ASB17: variants seen among roughly 807,000 people sequenced by gnomAD.
ASB17 encodes the protein ankyrin repeat and SOCS box protein 17.
A neutral mutation model predicts 25.7 loss-of-function variants in ASB17; 26 were observed. The ratio of observed to expected loss-of-function variants is 1.01; its 90% CI spans 0.74 to 1.40. ASB17 has a LOEUF of 1.40. Ranked by LOEUF, ASB17 falls within the 40% of genes most tolerant of loss-of-function variation. ASB17 has a pLI of 0.00. For synonymous variants in ASB17, 128 were observed against 121.4 expected (o/e 1.05, Z -0.36); for missense variants, 326 against 338.5 (o/e 0.96, Z 0.29).
At chr1:75,920,838 G>A (rs987974691) in intron 2 of ASB17, among the ~76,000 whole-genome samples, 1 of 151,970 alleles carries the variant, frequency 6.6e-6, no homozygotes, top group Admixed American at 6.6e-5. Flanking sequence ...GCAGTGGTGC[G>A]ATCTCTGCTC....
intron 1 of ASB17, among the ~76,000 whole-genome samples, chr1:75,927,786 A>G (rs1222796350): frequency 6.6e-6 from 1 of 152,042 alleles, no homozygotes; most frequent in Non-Finnish European, 1.5e-5. Context: ...CAATCTTCAA[A>G]TGGGGCTGAT....
chr1:75,924,068 C>T (rs1051953299), intron 1 of ASB17, among the ~76,000 whole-genome samples: 1 of 152,084 alleles, frequency 6.6e-6, no homozygotes, highest in African/African-American at 2.4e-5. Context: ...TTAACTCTAT[C>T]TGAAATAGTC....
intron 1 of ASB17, among the ~76,000 whole-genome samples, chr1:75,925,399 A>G (rs1024538212): frequency 7.2e-5 from 11 of 152,170 alleles, no homozygotes; most frequent in African/African-American, 2.7e-4. Flanking sequence ...ATATTTGTTG[A>G]TTCTAAGATA....
At position 75,918,996 on chromosome 1, in the gene ASB17, G is replaced by T; in HGVS notation, c.844C>A (p.Leu282Ile). Residue 282 changes from leucine (L) to isoleucine (I), a missense_variant, in exon 3 of 3, where the codon CTA (leucine) becomes ATA (isoleucine). Leu to Ile is a conservative substitution (Grantham distance 5, BLOSUM62 2). Coordinates refer to ENST00000284142, the MANE Select transcript of ASB17 (RefSeq NM_080868.3). The part of the protein sequence containing the change: ...NMLPDGIFSL[L>I]IPARLQNYLN... Reference sequence around the variant, plus strand: ...TAGTTTTGTAGACGAGCAGGAATTAGAAGTGAAAATATTCCATCTGGGAGC... The same window carrying T: ...TAGTTTTGTAGACGAGCAGGAATTATAAGTGAAAATATTCCATCTGGGAGC... 6.2e-7 allele frequency: 1 copy of T among 1,612,996 alleles called. No homozygotes were observed. The highest frequency in any genetic ancestry group is 8.5e-7 in the Non-Finnish European group (1 of 1,179,208).
rs750458762 is a variant in ASB17 at position 75,922,207 on chromosome 1, A to G, written c.554T>C (p.Ile185Thr). The change falls in exon 2 of 3, where the codon ATA becomes ACA. Residue 185 changes from isoleucine (I) to threonine (T), a missense_variant. Transcript: ENST00000284142. Reference sequence around the variant, plus strand: ...TCTTACTCTCGAAGGGTAGAGTACTATTGTTAAGACAATGTTGATAGGGTT... The same window carrying G: ...TCTTACTCTCGAAGGGTAGAGTACTGTTGTTAAGACAATGTTGATAGGGTT... ...EKNPINIVLT[I>T]VLYPSRVRVM... 7 of 1,613,840 alleles carry G rather than the reference A, an allele frequency of 4.3e-6. No individual in the cohort carries two copies. The South Asian group carries it at 5.5e-5, about 13-fold the overall frequency.
intron 1 of ASB17, among the ~76,000 whole-genome samples, chr1:75,929,221 A>T (rs939348027): frequency 1.5e-4 from 17 of 112,442 alleles, no homozygotes; most frequent in African/African-American, 4.4e-4. Flanking sequence ...TTATTTATTT[A>T]TTTATTTTTT....
At chr1:75,922,384 T>C (rs1653052192) in intron 1 of ASB17, 25 bp from the exon 2 acceptor site, 2 of 1,505,200 alleles carry the variant, frequency 1.3e-6, no homozygotes, top group Non-Finnish European at 1.8e-6. Context: ...AAACAAAAAC[T>C]CATTGGATAT....
Position 75,931,682 on chromosome 1 carries a change from T to C in ASB17, c.401+209A>G, listed in dbSNP as rs182487677. The stretch of plus-strand genomic sequence containing the variant: ...AAGCTGTGTAGAGCAGAATCACTAA[T>C]GATTTATTGGTACATAATAATTTAC... On this transcript the variant is annotated intron_variant, in intron 1 of 2. Transcript: ENST00000284142. Among the ~76,000 whole-genome samples the C allele has an allele frequency of 5.3e-5, 8 of 152,130 alleles. No homozygotes were observed. In the East Asian group the frequency reaches 1.4e-3, roughly 26 times the overall value.
chr1:75,920,302 A>G (rs1652993719), intron 2 of ASB17, among the ~76,000 whole-genome samples: 1 of 152,226 alleles, frequency 6.6e-6, no homozygotes, highest in African/African-American at 2.4e-5. Context: ...AGGAAAAAAC[A>G]TTGCTGTATT....
chr1:75,931,992 C>A lies in ASB17; in HGVS notation c.300G>T (p.Trp100Cys). The A allele has an allele frequency of 1.9e-6, 3 of 1,613,980 alleles. No homozygotes were observed. The highest frequency in any genetic ancestry group is 2.2e-5 in the South Asian group (2 of 91,058). Reference sequence around the variant, plus strand: ...CAGGATTACCTTTTCTGGCAAAAACCCAGTACAGAATTGTATTCACACATA... The same window carrying A: ...CAGGATTACCTTTTCTGGCAAAAACACAGTACAGAATTGTATTCACACATA... ...TEICVNTILY[W>C]VFARKGNPDF... The change falls in exon 1 of 3, where the codon TGG (tryptophan) becomes TGT (cysteine). Residue 100 changes from tryptophan to cysteine, a missense_variant. Transcript: ENST00000284142.
At chr1:75,923,334 A>T (rs546750859) in intron 1 of ASB17, among the ~76,000 whole-genome samples, 1 of 152,194 alleles carries the variant, frequency 6.6e-6, no homozygotes, top group Admixed American at 6.5e-5. Flanking sequence ...AGAGTGTCAC[A>T]TGATGGCTAG....
chr1:75,924,194 T>TA (rs1235746747), intron 1 of ASB17, among the ~76,000 whole-genome samples: 1 of 152,172 alleles, frequency 6.6e-6, no homozygotes, highest in Non-Finnish European at 1.5e-5. Context: ...AGGATTGCTA[T>TA]AGCAGAACTA....
intron 1 of ASB17, among the ~76,000 whole-genome samples, chr1:75,926,332 C>T (rs1405199497): frequency 6.6e-6 from 1 of 152,122 alleles, no homozygotes. Context: ...CTGGTACGGT[C>T]AGGGCATTTT....
intron 2 of ASB17, 59 bp from the exon 3 acceptor site, chr1:75,919,217 T>C: frequency 9.2e-7 from 1 of 1,081,240 alleles, no homozygotes; most frequent in Non-Finnish European, 1.3e-6. Context: ...TTAGTCCAAA[T>C]TATTAAAACT....
chr1:75,928,625 G>C (rs1050799119), intron 1 of ASB17, among the ~76,000 whole-genome samples: 3 of 152,198 alleles, frequency 2.0e-5, no homozygotes, highest in African/African-American at 7.2e-5. Context: ...TAATAGATGT[G>C]TTCAAATACT....
At position 75,918,926 on chromosome 1, in the gene ASB17, T is replaced by C. The variant is rs1652952789; in HGVS notation, c.*26A>G. ...TAAGCCATACATTGGTAAGCATTGTTAAGGAACTTAGGACACTGACGTATG... is the reference window on the plus strand; with the variant it reads ...TAAGCCATACATTGGTAAGCATTGTCAAGGAACTTAGGACACTGACGTATG... On this transcript the variant is annotated 3_prime_UTR_variant, in exon 3 of 3. Coordinates refer to ENST00000284142, the MANE Select transcript of ASB17 (RefSeq NM_080868.3). 4 of 1,571,048 alleles carry C rather than the reference T, an allele frequency of 2.5e-6. No individual in the cohort carries two copies. The highest frequency in any genetic ancestry group is 2.2e-5 in the South Asian group (2 of 90,122).
Position 75,922,080 on chromosome 1 carries a change from C to T in ASB17, c.681G>A (p.Lys227=), listed in dbSNP as rs1183293874. The change falls in exon 2 of 3, where the codon AAG becomes AAA. Residue 227 remains lysine (K), a splice_region_variant and synonymous_variant. Transcript: ENST00000284142. Reference sequence around the variant, plus strand: ...ATTTTTTTTAAAGTAGTTTTCTTACCTTTATTTCCTTGACTGAAATGACAG... The same window carrying T: ...ATTTTTTTTAAAGTAGTTTTCTTACTTTTATTTCCTTGACTGAAATGACAG... ...VLSVISVKEI[K]TQLSLGRHPI... 1.1e-5 allele frequency: 17 copies of T among 1,597,226 alleles called. No individual in the cohort carries two copies. In the East Asian group the frequency reaches 1.1e-4, roughly 11 times the overall value.
At chr1:75,926,754 T>C (rs901553209) in intron 1 of ASB17, among the ~76,000 whole-genome samples, 1 of 152,200 alleles carries the variant, frequency 6.6e-6, no homozygotes, top group African/African-American at 2.4e-5. Flanking sequence ...AATATAGACG[T>C]GAGATGTAAG....
rs759386731 is a variant in ASB17 at position 75,932,335 on chromosome 1, A to C, written c.-44T>G. On this transcript the variant is annotated 5_prime_UTR_variant, in exon 1 of 3. It removes an upstream start codon present in the reference 5' UTR. Transcript: ENST00000284142. ...TGTAGAAATAAAATCAGAGGTAAGC[A>C]TACTGTAATCCTCCAGTTACATATT... The C allele has an allele frequency of 1.3e-6, 2 of 1,507,578 alleles. No individual in the cohort carries two copies. Among genetic ancestry groups the C allele is most frequent in the African/African-American group, 2.8e-5 (2 of 72,034 alleles). 93.4% of individuals were successfully genotyped at this position (1,507,578 alleles called of 1,614,324 possible). A position where few individuals can be genotyped will look rare whatever the true frequency, so the allele number is the denominator to read the frequency against.
Sources: allele counts gnomAD v4.1 joint callset (sites outside exome capture counted in the v4.1 genomes callset), GRCh38; gene constraint gnomAD v4.1.1; transcripts MANE v1.5; gene names NCBI Gene and HGNC (gene_info 2026-07-23, HGNC 2026-07-21).